Variants in CTNNA3 observed in about 807,000 individuals in gnomAD.
CTNNA3 encodes catenin alpha 3.
A neutral mutation model predicts 95.7 loss-of-function variants in CTNNA3; 76 were observed. The observed-to-expected ratio is 0.79, with a 90% CI of 0.66 to 0.96. CTNNA3 has a LOEUF of 0.96. CTNNA3 is among the 40% of genes least tolerant of loss of function. The pLI is 0.00. For missense variants in CTNNA3, 1,191 were observed against 1,089.8 expected, an observed-to-expected ratio of 1.09 and a Z score of -1.31; for synonymous variants, 431 against 374.4, an observed-to-expected ratio of 1.15 and a Z score of -1.74.
intron 9 of CTNNA3, among the ~76,000 whole-genome samples, chr10:66,721,474 T>C (rs1325886279): frequency 6.6e-6 from 1 of 152,226 alleles, no homozygotes; most frequent in East Asian, 1.9e-4. Context: ...AACATCATTT[T>C]ACTAATGGGC....
chr10:66,695,919 G>GC lies in CTNNA3; in HGVS notation c.1281+70344_1281+70345insG, dbSNP rs559365392. Among the ~76,000 whole-genome samples, 377 of 142,228 alleles carry GC rather than the reference G, an allele frequency of 2.7e-3. 7 individuals carry two copies. The highest frequency in any genetic ancestry group is 3.9e-3 in the Non-Finnish European group (253 of 65,138). 93.3% of individuals were successfully genotyped at this position (142,228 alleles called of 152,430 possible). A position where few individuals can be genotyped will look rare whatever the true frequency, so the allele number is the denominator to read the frequency against. ...AAAATTGGGTGAAAGAGACGTAAGGGGGGGGGGCAATAAAAATGTATTTTT... is the reference window on the plus strand; with the variant it reads ...AAAATTGGGTGAAAGAGACGTAAGGGCGGGGGGGCAATAAAAATGTATTTTT... On this transcript the variant is annotated intron_variant, in intron 9 of 17. Transcript: ENST00000433211.
chr10:66,076,946 T>C (rs1007291305), intron 14 of CTNNA3, among the ~76,000 whole-genome samples: 1 of 151,808 alleles, frequency 6.6e-6, no homozygotes, highest in African/African-American at 2.4e-5. Flanking sequence ...GAAATAGTTA[T>C]ATTTTATCTG....
intron 11 of CTNNA3, among the ~76,000 whole-genome samples, chr10:66,449,557 A>G (rs2093448537): frequency 6.6e-6 from 1 of 152,100 alleles, no homozygotes; most frequent in South Asian, 2.1e-4. Flanking sequence ...TTAGTAAAAT[A>G]TTTCAAATGA....
rs1422784712 is a variant in CTNNA3 at position 65,917,326 on chromosome 10, A to T, written c.*3004T>A. On this transcript the variant is annotated 3_prime_UTR_variant, in exon 18 of 18. Transcript: ENST00000433211. ...TCATTCAAGAACTATCCAGAAACTGACTTAGAAACATTTTACTTCAATAAT... is the reference window on the plus strand; with the variant it reads ...TCATTCAAGAACTATCCAGAAACTGTCTTAGAAACATTTTACTTCAATAAT... The T allele has an allele frequency of 6.6e-6, 1 of 152,208 alleles. No individual in the cohort carries two copies. Among genetic ancestry groups the T allele is most frequent in the Non-Finnish European group, 1.5e-5 (1 of 68,038 alleles). The allele number at this position is 152,208 out of a possible 1,614,324, so 9.4% of individuals were successfully genotyped here. A position where few individuals can be genotyped will look rare whatever the true frequency, so the allele number is the denominator to read the frequency against.
chr10:67,085,679 T>C (rs1328204848), intron 7 of CTNNA3, among the ~76,000 whole-genome samples: 2 of 152,012 alleles, frequency 1.3e-5, no homozygotes, highest in Non-Finnish European at 2.9e-5. Flanking sequence ...GCTCATCCCT[T>C]ATTATGATAT....
chr10:66,779,897 A>G (rs1249175745), intron 7 of CTNNA3, among the ~76,000 whole-genome samples: 2 of 152,164 alleles, frequency 1.3e-5, no homozygotes, highest in Admixed American at 1.3e-4. Flanking sequence ...GCACAAATCT[A>G]GTGATAGACA....
At chr10:67,209,175 A>G (rs1225131718) in intron 6 of CTNNA3, among the ~76,000 whole-genome samples, 4 of 152,040 alleles carry the variant, frequency 2.6e-5, no homozygotes, top group African/African-American at 9.7e-5. Context: ...CAGCTTCCCA[A>G]GTAGCTGGTT....
At chr10:67,603,862 A>T (rs1433695615) in intron 3 of CTNNA3, among the ~76,000 whole-genome samples, 1 of 152,172 alleles carries the variant, frequency 6.6e-6, no homozygotes, top group Non-Finnish European at 1.5e-5. Flanking sequence ...GTCTACAGTG[A>T]TATACAGTAA....
chr10:66,391,690 T>C (rs2092934797), intron 11 of CTNNA3, among the ~76,000 whole-genome samples: 1 of 152,126 alleles, frequency 6.6e-6, no homozygotes, highest in South Asian at 2.1e-4. Flanking sequence ...CTGTAGGACA[T>C]TAACCAGTTT....
chr10:66,987,086 A>T (rs1197395028), intron 7 of CTNNA3, among the ~76,000 whole-genome samples: 1 of 152,204 alleles, frequency 6.6e-6, no homozygotes, highest in Non-Finnish European at 1.5e-5. Context: ...TCCCGACGTG[A>T]AGTCCTTTTA....
At chr10:67,323,357 A>G (rs1841402575) in intron 5 of CTNNA3, among the ~76,000 whole-genome samples, 1 of 152,094 alleles carries the variant, frequency 6.6e-6, no homozygotes, top group Non-Finnish European at 1.5e-5. Flanking sequence ...TTGGTTTTGC[A>G]TCTAAATCTT....
At chr10:67,081,985 A>T (rs1410449380) in intron 7 of CTNNA3, among the ~76,000 whole-genome samples, 1 of 152,198 alleles carries the variant, frequency 6.6e-6, no homozygotes, top group Non-Finnish European at 1.5e-5. Context: ...AATTACCAGC[A>T]CATAACACAG....
At chr10:67,372,743 A>T (rs368762981) in intron 5 of CTNNA3, among the ~76,000 whole-genome samples, 7 of 152,244 alleles carry the variant, frequency 4.6e-5, no homozygotes, top group Admixed American at 6.5e-5. Context: ...CGGGTTACCC[A>T]CAAAGGGAAG....
intron 1 of CTNNA3, among the ~76,000 whole-genome samples, chr10:67,692,560 TC>T (rs932779615): frequency 7.2e-6 from 1 of 138,150 alleles, no homozygotes; most frequent in African/African-American, 2.8e-5. Flanking sequence ...TTAAGAGTCA[TC>T]ACCACTCCCT....
At chr10:66,069,766 G>A (rs2080394303) in intron 14 of CTNNA3, among the ~76,000 whole-genome samples, 1 of 151,942 alleles carries the variant, frequency 6.6e-6, no homozygotes. Flanking sequence ...AATAAATGTG[G>A]GACTTTGCAA....
intron 1 of CTNNA3, chr10:67,750,971 A>G: frequency 1.9e-6 from 3 of 1,598,412 alleles, no homozygotes; most frequent in Non-Finnish European, 2.6e-6. Context: ...TCCCTGCTGG[A>G]GGATCCCAAG....
upstream of CTNNA3, among the ~76,000 whole-genome samples, chr10:67,696,424 A>G (rs1267043975): frequency 6.6e-6 from 1 of 152,232 alleles, no homozygotes; most frequent in Non-Finnish European, 1.5e-5. Flanking sequence ...TTGAAAGTGA[A>G]AAATGATAAA....
At chr10:66,082,000 C>T (rs2133647618) in intron 14 of CTNNA3, among the ~76,000 whole-genome samples, 1 of 152,174 alleles carries the variant, frequency 6.6e-6, no homozygotes, top group Admixed American at 6.5e-5. Flanking sequence ...TGCCTGTAAT[C>T]CCAGCTACTC....
Position 66,112,789 on chromosome 10 carries a change from C to T in CTNNA3, c.1885-9540G>A, listed in dbSNP as rs1328482905. Reference sequence around the variant, plus strand: ...TCCCCAAGGTTCACACTTGTCGTTGCATATGACTGATCTCCTTTTTTTTTA... The same window carrying T: ...TCCCCAAGGTTCACACTTGTCGTTGTATATGACTGATCTCCTTTTTTTTTA... On this transcript the variant is annotated intron_variant, in intron 13 of 17. Transcript: ENST00000433211. Among the ~76,000 whole-genome samples, 4 of 150,818 alleles carry T rather than the reference C, an allele frequency of 2.7e-5. No individual in the cohort carries two copies. In the South Asian group the frequency reaches 6.3e-4, roughly 24 times the overall value.
Sources: gnomAD v4.1 joint callset for allele counts (sites outside exome capture counted in the v4.1 genomes callset) on GRCh38, gnomAD v4.1.1 for gene constraint, MANE v1.5 for transcripts, NCBI Gene and HGNC (gene_info 2026-07-23, HGNC 2026-07-21) for gene names.